The following PBX3 variants were observed in gnomAD, a reference collection of about 807,000 sequenced individuals.
The protein encoded by PBX3 is PBX homeobox 3, also known as pre-B-cell leukemia transcription factor 3.
In PBX3, 14 loss-of-function variants were observed where a neutral mutation model predicts 48.5. That is an observed-to-expected ratio of 0.29 (90% confidence interval 0.19 to 0.45). The LOEUF is 0.45. Among genes scored for constraint, PBX3 ranks in the 20% least tolerant of loss-of-function variants. The probability of loss-of-function intolerance (pLI) is 1.00; values close to 1 mark genes in which losing one functional copy is unlikely to be tolerated. For missense variants in PBX3, 386 were observed against 546.7 expected, an observed-to-expected ratio of 0.71 and a Z score of 2.93; for synonymous variants, 210 against 200.3, an observed-to-expected ratio of 1.05 and a Z score of -0.41.
chr9:125,779,532 C>T (rs1370367200), intron 2 of PBX3, among the ~76,000 whole-genome samples: 2 of 103,924 alleles, frequency 1.9e-5, no homozygotes, highest in African/African-American at 4.2e-5. Flanking sequence ...TCCATTTAAC[C>T]CTGAGTGGAC....
chr9:125,937,871 A>G (rs1841873827), intron 5 of PBX3, among the ~76,000 whole-genome samples: 1 of 152,056 alleles, frequency 6.6e-6, no homozygotes, highest in Non-Finnish European at 1.5e-5. Flanking sequence ...CTGTTGTCCA[A>G]GCTGGTCTCG....
chr9:125,943,693 G>A (rs755393214), intron 5 of PBX3, among the ~76,000 whole-genome samples: 54 of 152,152 alleles, frequency 3.5e-4, no homozygotes, highest in Admixed American at 6.5e-4. Flanking sequence ...TGGAATAATT[G>A]GAGGACACTT....
rs77580163 is a variant in PBX3 at position 125,896,995 on chromosome 9, T to A, written c.275-18691T>A. ...AATTACATGTAATTTAATGTGATTT[T>A]AAAAATTTAATCATTGTTTAAAAGG... On this transcript the variant is annotated intron_variant, in intron 2 of 8. Coordinates refer to ENST00000373489, the MANE Select transcript of PBX3 (RefSeq NM_006195.6). Among the ~76,000 whole-genome samples, 5 of 152,082 alleles carry A rather than the reference T, an allele frequency of 3.3e-5. No homozygotes were observed. In the East Asian group the frequency reaches 7.7e-4, roughly 23 times the overall value.
At position 125,964,933 on chromosome 9, in the gene PBX3, G is replaced by A. The variant is rs561888844; in HGVS notation, c.1213-898G>A. ...GGTCCGGGTCTGGGGGCAGCATGGC[G>A]GCAGAGGGTGGTTGGTGCTGCAGGC... On this transcript the variant is annotated intron_variant, in intron 8 of 8. Coordinates refer to ENST00000373489, the MANE Select transcript of PBX3 (RefSeq NM_006195.6). Among the ~76,000 whole-genome samples, 211 of 152,314 alleles carry A rather than the reference G, an allele frequency of 1.4e-3. 1 individual carries two copies. Among genetic ancestry groups the A allele is most frequent in the African/African-American group, 4.8e-3 (200 of 41,566 alleles).
chr9:125,809,159 G>A (rs1247631197), intron 2 of PBX3, among the ~76,000 whole-genome samples: 2 of 152,184 alleles, frequency 1.3e-5, no homozygotes, highest in Admixed American at 6.5e-5. Context: ...AAAGCTGAGC[G>A]TCATTTTGTT....
chr9:125,756,929 G>A lies in PBX3; in HGVS notation c.274+8306G>A, dbSNP rs887750831. On this transcript the variant is annotated intron_variant, in intron 2 of 8. Coordinates refer to ENST00000373489, the MANE Select transcript of PBX3 (RefSeq NM_006195.6). ...AATCAGTGAATCCTCATTAGTCTCT[G>A]ATTACTTGCAAAATTTCATTTAAAA... Among the ~76,000 whole-genome samples the A allele has an allele frequency of 7.2e-5, 11 of 152,108 alleles. No individual in the cohort carries two copies. In the South Asian group the frequency reaches 2.3e-3, roughly 31 times the overall value.
At chr9:125,836,492 A>G (rs1351931134) in intron 2 of PBX3, among the ~76,000 whole-genome samples, 1 of 152,146 alleles carries the variant, frequency 6.6e-6, no homozygotes, top group Non-Finnish European at 1.5e-5. Context: ...GATGGTTGCC[A>G]CAGGGTGGGA....
intron 5 of PBX3, 118 bp from the exon 6 acceptor site, chr9:125,960,566 T>G (rs1372411848): frequency 2.4e-6 from 2 of 818,400 alleles, no homozygotes; most frequent in Non-Finnish European, 4.0e-6. Flanking sequence ...GGATGTGAGG[T>G]TGCAGGCTAG....
At chr9:125,871,018 CTAGATA>C (rs995144888) in intron 2 of PBX3, among the ~76,000 whole-genome samples, 2 of 152,200 alleles carry the variant, frequency 1.3e-5, no homozygotes, top group African/African-American at 4.8e-5. Context: ...AATTCCACTT[CTAGATA>C]TAAAGTCTTG....
intron 2 of PBX3, among the ~76,000 whole-genome samples, chr9:125,908,571 G>T (rs1012424519): frequency 2.9e-5 from 2 of 68,148 alleles, no homozygotes; most frequent in Non-Finnish European, 5.4e-5. Context: ...AGCATTTTCT[G>T]GTGAGATCCC....
At chr9:125,911,008 T>A (rs955623911) in intron 2 of PBX3, among the ~76,000 whole-genome samples, 5 of 152,078 alleles carry the variant, frequency 3.3e-5, no homozygotes, top group Non-Finnish European at 5.9e-5. Flanking sequence ...TGGACTTGGC[T>A]TCTTAGCCCA....
In PBX3 at chr9:125,960,794, A is replaced by G. The variant is rs1274505998; in HGVS notation, c.954A>G (p.Ala318=). 2 of 1,614,188 alleles carry G rather than the reference A, an allele frequency of 1.2e-6. No homozygotes were observed. Among genetic ancestry groups the G allele is most frequent in the South Asian group, 2.2e-5 (2 of 91,084 alleles). Residue 318 remains alanine, a synonymous_variant, in exon 6 of 9, where the codon GCA becomes GCG. Coordinates refer to ENST00000373489, the MANE Select transcript of PBX3 (RefSeq NM_006195.6). ...AAKTAVTAAH[A]VAAAVQNNQT... Reference sequence around the variant, plus strand: ...AGACGGCCGTGACAGCTGCACACGCAGTAGCAGCAGCTGTGCAGAACAACC... The same window carrying G: ...AGACGGCCGTGACAGCTGCACACGCGGTAGCAGCAGCTGTGCAGAACAACC...
At chr9:125,763,596 C>G (rs1836726044) in intron 2 of PBX3, among the ~76,000 whole-genome samples, 1 of 152,212 alleles carries the variant, frequency 6.6e-6, no homozygotes, top group African/African-American at 2.4e-5. Flanking sequence ...TTCACCCTGT[C>G]TCTGCTCAGT....
chr9:125,929,757 C>T lies in PBX3; in HGVS notation c.619C>T (p.His207Tyr). 1 of 1,613,592 alleles carries T rather than the reference C, an allele frequency of 6.2e-7. No homozygotes were observed. ...KEIERMVGII[H>Y]RKFSSIQMQL... ...GATTGAAAGAATGGTGGGCATCATC[C>T]ATCGAAAATTTAGTTCCATTCAGAT... Residue 207 changes from histidine (H) to tyrosine (Y), a missense_variant, in exon 4 of 9, where the codon CAT becomes TAT. By Grantham distance (83) the His-to-Tyr change is moderately conservative. This residue lies in a region of PBX3 where 74 missense variants were observed against 206.1 expected (regional missense o/e 0.36). Transcript: ENST00000373489.
At chr9:125,952,057 A>G (rs1317648057) in intron 5 of PBX3, among the ~76,000 whole-genome samples, 4 of 152,252 alleles carry the variant, frequency 2.6e-5, no homozygotes, top group African/African-American at 9.6e-5. Flanking sequence ...ACTGTTTGTT[A>G]GAGGTAAAAT....
At chr9:125,893,454 T>G (rs1329521142) in intron 2 of PBX3, among the ~76,000 whole-genome samples, 1 of 152,198 alleles carries the variant, frequency 6.6e-6, no homozygotes, top group Non-Finnish European at 1.5e-5. Context: ...GCTGTGCATA[T>G]CTTCAGATCT....
intron 2 of PBX3, among the ~76,000 whole-genome samples, chr9:125,906,758 T>C (rs1318814161): frequency 2.0e-5 from 3 of 152,046 alleles, no homozygotes; most frequent in Non-Finnish European, 4.4e-5. Flanking sequence ...ACTATAGATA[T>C]ATATCATCAT....
At chr9:125,907,115 G>C (rs1397500093) in intron 2 of PBX3, among the ~76,000 whole-genome samples, 1 of 151,952 alleles carries the variant, frequency 6.6e-6, no homozygotes, top group Non-Finnish European at 1.5e-5. Context: ...TCTATTTCTG[G>C]AAGTGATAAG....
At chr9:125,838,816 T>C (rs904246107) in intron 2 of PBX3, among the ~76,000 whole-genome samples, 6 of 152,218 alleles carry the variant, frequency 3.9e-5, no homozygotes, top group Non-Finnish European at 7.3e-5. Context: ...GTTAGAAATG[T>C]ATGGCACTAA....
Sources: allele counts gnomAD v4.1 joint callset (sites outside exome capture counted in the v4.1 genomes callset), GRCh38; gene constraint gnomAD v4.1.1; regional missense constraint gnomAD v4.1.1; transcripts MANE v1.5; gene names NCBI Gene and HGNC (gene_info 2026-07-23, HGNC 2026-07-21).